The following DLG5 variants were observed in gnomAD, a reference collection of about 807,000 sequenced individuals.
DLG5 encodes disks large homolog 5.
DLG5 carries 48 observed loss-of-function variants against 189.8 expected under a neutral mutation model. The observed-to-expected ratio is 0.25, with a 90% confidence interval of 0.20 to 0.32. The LOEUF (loss-of-function observed/expected upper bound fraction) is 0.32, where lower values mean the gene tolerates loss of function less well. Ranked by LOEUF, DLG5 falls within the 10% of genes least tolerant of loss-of-function variation. The probability of loss-of-function intolerance (pLI) is 1.00; values close to 1 mark genes in which losing one functional copy is unlikely to be tolerated. For missense variants in DLG5, 2,160 were observed against 2,544.7 expected (o/e 0.85, Z 3.25); for synonymous variants, 1,016 against 1,054.1 (o/e 0.96, Z 0.70).
intron 2 of DLG5, among the ~76,000 whole-genome samples, chr10:77,858,200 C>T (rs958892538): frequency 6.6e-6 from 1 of 151,942 alleles, no homozygotes; most frequent in Non-Finnish European, 1.5e-5. Flanking sequence ...CTGAAATGCA[C>T]GACAGTCATG....
At chr10:77,878,873 A>G (rs1845186944) in intron 1 of DLG5, among the ~76,000 whole-genome samples, 1 of 152,168 alleles carries the variant, frequency 6.6e-6, no homozygotes, top group Admixed American at 6.5e-5. Flanking sequence ...ACCTACATAC[A>G]GACATCAGTC....
chr10:77,828,800 G>T (rs1405844716), intron 13 of DLG5, 82 bp downstream of exon 13: 1 of 1,344,734 alleles, frequency 7.4e-7, no homozygotes, highest in Non-Finnish European at 1.1e-6. Context: ...TAAAAACTTT[G>T]CTCATTACTT....
chr10:77,861,813 G>C (rs1702493429), intron 2 of DLG5, among the ~76,000 whole-genome samples: 1 of 152,168 alleles, frequency 6.6e-6, no homozygotes, highest in African/African-American at 2.4e-5. Flanking sequence ...CTCCTAATAG[G>C]GAAGGATTCT....
At chr10:77,816,121 A>G (rs1248638) in intron 20 of DLG5, 333,338 of 478,760 alleles carry the variant, frequency 0.7, 117,375 homozygotes, top group African/African-American at 0.85. Context: ...GGTGCCAGCC[A>G]CTAACCACGT....
intron 1 of DLG5, among the ~76,000 whole-genome samples, chr10:77,876,726 G>GGAGC (rs1261634850): frequency 1.7e-5 from 1 of 57,562 alleles, no homozygotes; most frequent in African/African-American, 6.0e-5. Flanking sequence ...AGGGAGGGAG[G>GGAGC]GAAGGAAGGG....
At position 77,926,300 on chromosome 10, in the gene DLG5, G is replaced by A; in HGVS notation, c.221C>T (p.Ala74Val). 2 of 1,596,800 alleles carry A rather than the reference G, an allele frequency of 1.3e-6. No homozygotes were observed. The highest frequency in any genetic ancestry group is 1.7e-6 in the Non-Finnish European group (2 of 1,173,266). The change falls in exon 1 of 32, where the codon GCG becomes GTG. Residue 74 changes from alanine to valine, a missense_variant. By Grantham distance (64) the Ala-to-Val change is moderately conservative. This residue lies in a region of DLG5 where 664 missense variants were observed against 838.5 expected (regional missense o/e 0.79). Transcript: ENST00000372391. The surrounding 1 kb of genome is among the most constrained non-coding windows in gnomAD (Gnocchi z 5.2). Reference sequence around the variant, plus strand: ...CAGGTGAGGCTGCGTCTTCTCCAGCGCCGCCCGCAGGTCCTGGAAGTGGTC... The same window carrying A: ...CAGGTGAGGCTGCGTCTTCTCCAGCACCGCCCGCAGGTCCTGGAAGTGGTC... Reference protein sequence around the residue: ...ERDHFQDLRAALEKTQPHLLP... With the variant: ...ERDHFQDLRAVLEKTQPHLLP...
chr10:77,939,574 G>A, the DLG5 span, among the ~76,000 whole-genome samples: 430 of 152,292 alleles, frequency 2.8e-3, 1 homozygote, highest in African/African-American at 8.6e-3. Flanking sequence ...AAGTCAGCCT[G>A]CTCAGGATCA....
At chr10:77,913,427 G>A (rs1846279419) in intron 1 of DLG5, among the ~76,000 whole-genome samples, 1 of 152,082 alleles carries the variant, frequency 6.6e-6, no homozygotes, top group South Asian at 2.1e-4. Context: ...CATCACCCGG[G>A]CAACTTGATA....
intron 1 of DLG5, among the ~76,000 whole-genome samples, chr10:77,915,844 T>A (rs1036077177): frequency 6.6e-6 from 1 of 152,064 alleles, no homozygotes; most frequent in Non-Finnish European, 1.5e-5. Context: ...TCAAGGCCTT[T>A]AGGGATGAAG....
chr10:77,934,086 G>C, the DLG5 span, among the ~76,000 whole-genome samples: 1 of 151,796 alleles, frequency 6.6e-6, no homozygotes, highest in East Asian at 1.9e-4. Flanking sequence ...AAAAGGGCAA[G>C]TAGGCTGGGC....
rs1409316422 is a variant in DLG5, at chr10:77,829,477, T to C, written c.2063A>G (p.Lys688Arg). 6.2e-7 allele frequency: 1 copy of C among 1,613,950 alleles called. No individual in the cohort carries two copies. Among genetic ancestry groups the C allele is most frequent in the Non-Finnish European group, 8.5e-7 (1 of 1,179,998 alleles). ...INDVDLINKD[K>R]KQAIKALLNG... ...GAGGAGCGCCTTGATGGCCTGCTTCTTGTCCTTGTTGATGAGGTCCACATC... is the reference window on the plus strand; with the variant it reads ...GAGGAGCGCCTTGATGGCCTGCTTCCTGTCCTTGTTGATGAGGTCCACATC... Residue 688 changes from lysine to arginine, a missense_variant, in exon 12 of 32, where the codon AAG (lysine) becomes AGG (arginine). Physicochemically the swap from Lys to Arg is conservative, Grantham distance 26. Transcript: ENST00000372391.
At chr10:77,809,239 C>T (rs1242094402) in intron 24 of DLG5, among the ~76,000 whole-genome samples, 1 of 151,534 alleles carries the variant, frequency 6.6e-6, no homozygotes, top group African/African-American at 2.4e-5. Flanking sequence ...AAACTGGTCT[C>T]TACTGAAAAT....
At chr10:77,802,416 C>T (rs909706819) in intron 27 of DLG5, among the ~76,000 whole-genome samples, 1 of 152,136 alleles carries the variant, frequency 6.6e-6, no homozygotes, top group African/African-American at 2.4e-5. Flanking sequence ...ACCAAAAAAC[C>T]TGCACTACAA....
intron 1 of DLG5, among the ~76,000 whole-genome samples, chr10:77,919,252 T>C (rs1846463033): frequency 6.6e-6 from 1 of 151,924 alleles, no homozygotes; most frequent in Admixed American, 6.6e-5. Flanking sequence ...AAACAAAATA[T>C]TTATCCTACT....
intron 7 of DLG5, 24 bp from the exon 8 acceptor site, chr10:77,835,946 G>A: frequency 7.5e-6 from 12 of 1,596,970 alleles, no homozygotes; most frequent in Non-Finnish European, 1.0e-5. Flanking sequence ...GGGGCAGGAA[G>A]AGGGAGAGGT....
chr10:77,817,767 G>C lies in DLG5; in HGVS notation c.3784+10C>G, dbSNP rs1222141512. 2 of 1,549,928 alleles carry C rather than the reference G, an allele frequency of 1.3e-6. No individual in the cohort carries two copies. ...CCCTCTGCAGCACAAAGTCCAAGTG[G>C]TGCAGTTACCCAGGCGGGCGCTGGA... On this transcript the variant is annotated intron_variant, in intron 18 of 31. Transcript: ENST00000372391.
At chr10:77,827,910 G>A (rs1842718981) in intron 13 of DLG5, among the ~76,000 whole-genome samples, 3 of 152,110 alleles carry the variant, frequency 2.0e-5, no homozygotes, top group African/African-American at 7.2e-5. Context: ...TATGGTTTGG[G>A]CTGAGTGCTT....
chr10:77,858,764 CA>C lies in DLG5; in HGVS notation c.374-1873del, dbSNP rs541525644. Among the ~76,000 whole-genome samples the C allele has an allele frequency of 2.6e-3, 395 of 151,218 alleles. 1 individual carries two copies. The highest frequency in any genetic ancestry group is 9.3e-3 in the African/African-American group (382 of 41,270). Reference sequence around the variant, plus strand: ...AATATATTTGTGTCTTAGTTTTTAACAAAAAAAGTACAAAAAAATTAAACAT... The same window carrying C: ...AATATATTTGTGTCTTAGTTTTTAACAAAAAAGTACAAAAAAATTAAACAT... On this transcript the variant is annotated intron_variant, in intron 2 of 31. Transcript: ENST00000372391.
intron 20 of DLG5, among the ~76,000 whole-genome samples, chr10:77,815,469 G>A (rs1169721662): frequency 6.6e-6 from 1 of 152,140 alleles, no homozygotes; most frequent in Non-Finnish European, 1.5e-5. Context: ...AGATAAGCTT[G>A]ACCAACATGG....
Sources: gnomAD v4.1 joint callset for allele counts (sites outside exome capture counted in the v4.1 genomes callset) on GRCh38, gnomAD v4.1.1 for gene constraint, gnomAD v4.1.1 regional missense constraint, Gnocchi (gnomAD v3.1) non-coding constraint, MANE v1.5 for transcripts, NCBI Gene and HGNC (gene_info 2026-07-23, HGNC 2026-07-21) for gene names.